The following PAQR5 variants were observed in gnomAD, a reference collection of about 807,000 sequenced individuals.
PAQR5 encodes membrane progestin receptor gamma.
In PAQR5, 20 loss-of-function variants were observed where a neutral mutation model predicts 34.5. That is an observed-to-expected ratio of 0.58 (90% confidence interval 0.41 to 0.84). The LOEUF (loss-of-function observed/expected upper bound fraction) is 0.84. Among genes scored for constraint, PAQR5 ranks in the 40% least tolerant of loss-of-function variants. PAQR5 has a pLI of 0.00. For missense variants in PAQR5, 378 were observed against 412.7 expected, an observed-to-expected ratio of 0.92 and a Z score of 0.73; for synonymous variants, 131 against 155.6, an observed-to-expected ratio of 0.84 and a Z score of 1.18.
At chr15:69,342,181 G>A (rs943150003) in intron 2 of PAQR5, among the ~76,000 whole-genome samples, 13 of 152,040 alleles carry the variant, frequency 8.6e-5, no homozygotes, top group Middle Eastern at 3.4e-3. Context: ...GCTATGAAGC[G>A]GTATCCCATT....
At chr15:69,360,191 G>T in intron 3 of PAQR5, 60 bp downstream of exon 3, 3 of 1,267,928 alleles carry the variant, frequency 2.4e-6, no homozygotes, top group Non-Finnish European at 3.5e-6. Context: ...CTTGGCCTCC[G>T]CAATGGGGGG....
At chr15:69,330,679 C>G (rs543191775) in intron 1 of PAQR5, among the ~76,000 whole-genome samples, 1 of 152,320 alleles carries the variant, frequency 6.6e-6, no homozygotes, top group Non-Finnish European at 1.5e-5. Flanking sequence ...GTTACCCACC[C>G]CCCAACCACC....
intron 1 of PAQR5, among the ~76,000 whole-genome samples, chr15:69,324,492 T>C (rs142575915): frequency 6.6e-6 from 1 of 152,248 alleles, no homozygotes; most frequent in Non-Finnish European, 1.5e-5. Flanking sequence ...ACTCAGAAAC[T>C]AAGGAATCTG....
intron 3 of PAQR5, among the ~76,000 whole-genome samples, chr15:69,360,456 C>A (rs747873859): frequency 6.6e-6 from 1 of 152,140 alleles, no homozygotes; most frequent in Non-Finnish European, 1.5e-5. Flanking sequence ...TTTTTCAGGC[C>A]CCTCCTATGG....
intron 8 of PAQR5, among the ~76,000 whole-genome samples, chr15:69,400,661 G>C (rs1451644980): frequency 6.6e-6 from 1 of 152,256 alleles, no homozygotes; most frequent in East Asian, 1.9e-4. Context: ...GCCTGGGTGA[G>C]AGAGATCCTA....
intron 2 of PAQR5, among the ~76,000 whole-genome samples, chr15:69,356,747 T>G (rs1273945492): frequency 6.6e-6 from 1 of 152,230 alleles, no homozygotes; most frequent in Non-Finnish European, 1.5e-5. Flanking sequence ...ATTTGTCCTT[T>G]TGTAAGTGGC....
rs375240739 is a variant in PAQR5, at chr15:69,380,008, C to T, written c.177C>T (p.Phe59=). The T allele has an allele frequency of 1.1e-5, 18 of 1,614,130 alleles. No individual in the cohort carries two copies. The African/African-American group carries it at 2.1e-4, about 19-fold the overall frequency. ...TLNIWTHLLP[F]WFFAWRFVTA... Reference sequence around the variant, plus strand: ...ACATTTGGACTCACTTGCTGCCCTTCTGGTACCTTCTGGCCCCCTCGACCG... The same window carrying T: ...ACATTTGGACTCACTTGCTGCCCTTTTGGTACCTTCTGGCCCCCTCGACCG... The change falls in exon 4 of 9, where the codon TTC becomes TTT. Residue 59 remains phenylalanine (F), a splice_region_variant and synonymous_variant. Transcript: ENST00000395407.
At chr15:69,330,408 A>G (rs1298437257) in intron 1 of PAQR5, among the ~76,000 whole-genome samples, 2 of 152,204 alleles carry the variant, frequency 1.3e-5, no homozygotes, top group African/African-American at 2.4e-5. Context: ...GGACTAGATT[A>G]ACATTAGCCA....
chr15:69,310,181 G>A (rs1330140266), intron 1 of PAQR5, among the ~76,000 whole-genome samples: 2 of 152,270 alleles, frequency 1.3e-5, no homozygotes, highest in Admixed American at 6.5e-5. Flanking sequence ...TGAGCCTTTT[G>A]CCACCACAAA....
intron 3 of PAQR5, among the ~76,000 whole-genome samples, chr15:69,370,155 C>T (rs1412539056): frequency 6.6e-6 from 1 of 152,196 alleles, no homozygotes; most frequent in African/African-American, 2.4e-5. Context: ...TTCTATAAAA[C>T]ATGTTTGTAG....
At position 69,389,783 on chromosome 15, in the gene PAQR5, ACT is replaced by A. The variant is rs1166835483; in HGVS notation, c.512+4_512+5del. On this transcript the variant is annotated splice_donor_5th_base_variant and intron_variant, in intron 6 of 8. Coordinates refer to ENST00000395407, the MANE Select transcript of PAQR5 (RefSeq NM_017705.4). ...ACAGGCCTCTCCTGCTACTCCAGGT[ACT>A]GGTCGCTCTGACCTCAGATGGGAGG... is the stretch of plus-strand genomic sequence containing the variant. The A allele has an allele frequency of 6.2e-7, 1 of 1,614,010 alleles. No homozygotes were observed. Among genetic ancestry groups the A allele is most frequent in the Admixed American group, 1.7e-5 (1 of 60,016 alleles).
At chr15:69,402,419 G>A (rs575665751) in intron 8 of PAQR5, among the ~76,000 whole-genome samples, 2 of 151,790 alleles carry the variant, frequency 1.3e-5, no homozygotes, top group African/African-American at 2.4e-5. Flanking sequence ...CCGAGTTCAC[G>A]CCATTCTCCT....
At chr15:69,390,340 A>ATTT (rs1450802023) in intron 6 of PAQR5, among the ~76,000 whole-genome samples, 13 of 99,452 alleles carry the variant, frequency 1.3e-4, no homozygotes, top group Non-Finnish European at 3.0e-4. Flanking sequence ...TTATTTATTT[A>ATTT]TTTATTTATT....
chr15:69,300,943 CTTTCCTTCTTTCTTTCTTTCTTTCTT>C, intron 1 of PAQR5, among the ~76,000 whole-genome samples: 2 of 44,624 alleles, frequency 4.5e-5, no homozygotes, highest in African/African-American at 1.4e-4. Context: ...CTCTCTCTTT[CTTTCCTTCTTTCTTTCTTTCTTTCTT>C]TCTTTCTTTC....
At chr15:69,365,428 A>G (rs2055377505) in intron 3 of PAQR5, among the ~76,000 whole-genome samples, 1 of 151,860 alleles carries the variant, frequency 6.6e-6, no homozygotes, top group Non-Finnish European at 1.5e-5. Flanking sequence ...ATTTTATAGA[A>G]CTCTTTATTC....
At chr15:69,304,912 T>C (rs2053681055) in intron 1 of PAQR5, among the ~76,000 whole-genome samples, 1 of 152,198 alleles carries the variant, frequency 6.6e-6, no homozygotes, top group Non-Finnish European at 1.5e-5. Context: ...TTGGAGTTGA[T>C]CACTGCACTC....
At chr15:69,300,873 CT>C (rs1472686765) in intron 1 of PAQR5, among the ~76,000 whole-genome samples, 5 of 24,090 alleles carry the variant, frequency 2.1e-4, no homozygotes, top group South Asian at 1.8e-3. Flanking sequence ...TTCTTTCTTT[CT>C]TTCTTTCTTT....
At chr15:69,387,404 A>T (rs1044107136) in intron 5 of PAQR5, among the ~76,000 whole-genome samples, 1 of 152,188 alleles carries the variant, frequency 6.6e-6, no homozygotes, top group African/African-American at 2.4e-5. Flanking sequence ...TTCCTGTGCA[A>T]GTTTCATAAC....
At chr15:69,373,742 T>G (rs949504099) in intron 3 of PAQR5, among the ~76,000 whole-genome samples, 1 of 152,134 alleles carries the variant, frequency 6.6e-6, no homozygotes, top group African/African-American at 2.4e-5. Context: ...TAGCTGGGAC[T>G]ACAGGCACGC....
Sources: allele counts gnomAD v4.1 joint callset (sites outside exome capture counted in the v4.1 genomes callset), GRCh38; gene constraint gnomAD v4.1.1; transcripts MANE v1.5; gene names NCBI Gene and HGNC (gene_info 2026-07-23, HGNC 2026-07-21).